GPHN: variants seen among roughly 807,000 people sequenced by gnomAD.
GPHN encodes gephyrin.
GPHN carries 17 observed loss-of-function variants against 95.5 expected under a neutral mutation model. That is an observed-to-expected ratio of 0.18 (90% CI 0.12 to 0.27). The LOEUF is 0.27. GPHN is among the 10% of genes least tolerant of loss of function. GPHN has a pLI of 1.00. For synonymous variants in GPHN, 320 were observed against 322.5 expected (o/e 0.99, Z 0.08); for missense variants, 660 against 978.1 (o/e 0.67, Z 4.34).
At chr14:66,854,934 G>GC (rs2062737089) in intron 4 of GPHN, among the ~76,000 whole-genome samples, 1 of 148,948 alleles carries the variant, frequency 6.7e-6, no homozygotes, top group Non-Finnish European at 1.5e-5. Context: ...TGCAACTTCT[G>GC]CCCCCCGGAT....
chr14:67,600,975 C>G, the GPHN span, among the ~76,000 whole-genome samples: 3 of 152,246 alleles, frequency 2.0e-5, no homozygotes, highest in African/African-American at 7.2e-5. Flanking sequence ...ATTTCACTTA[C>G]TCTTTTCCTG....
intron 2 of GPHN, chr14:66,709,340 T>C: frequency 2.2e-6 from 1 of 456,010 alleles, no homozygotes; most frequent in South Asian, 1.5e-5. Context: ...TGTACTGTAG[T>C]CCCCTTTTAT....
Position 66,852,041 on chromosome 14 carries a change from G to A in GPHN, c.294+27475G>A, listed in dbSNP as rs899659386. On this transcript the variant is annotated intron_variant, in intron 4 of 22. Transcript: ENST00000478722. ...TTTTCTGAGCCAACCTTCAAAGCCCGTGTGTATTACTAAAATGCAAAATGT... is the reference window on the plus strand; with the variant it reads ...TTTTCTGAGCCAACCTTCAAAGCCCATGTGTATTACTAAAATGCAAAATGT... 4.6e-5 allele frequency among the ~76,000 whole-genome samples: 7 copies of A among 152,100 alleles called. No individual in the cohort carries two copies. The East Asian group carries it at 1.2e-3, about 25-fold the overall frequency.
intron 1 of GPHN, among the ~76,000 whole-genome samples, chr14:66,563,539 G>A (rs1352442404): frequency 6.6e-6 from 1 of 152,084 alleles, no homozygotes; most frequent in East Asian, 1.9e-4. Context: ...GCTTAATTTA[G>A]GACCAATCCT....
chr14:67,008,694 G>GC (rs1186786979), intron 9 of GPHN, among the ~76,000 whole-genome samples: 1 of 151,744 alleles, frequency 6.6e-6, no homozygotes, highest in Non-Finnish European at 1.5e-5. Context: ...ACAAGTGCAT[G>GC]CCCCCATGCC....
At chr14:66,962,469 C>A in intron 8 of GPHN, among the ~76,000 whole-genome samples, 1 of 151,636 alleles carries the variant, frequency 6.6e-6, no homozygotes, top group East Asian at 1.9e-4. Flanking sequence ...CATTTTCATT[C>A]ATCAATGCAT....
chr14:66,891,770 T>A (rs955948808), intron 5 of GPHN, among the ~76,000 whole-genome samples: 1 of 151,478 alleles, frequency 6.6e-6, no homozygotes, highest in African/African-American at 2.4e-5. Flanking sequence ...ATATTTTTTT[T>A]AATTCCTACA....
At chr14:66,956,045 T>A (rs527732558) in intron 8 of GPHN, among the ~76,000 whole-genome samples, 1 of 152,324 alleles carries the variant, frequency 6.6e-6, no homozygotes, top group Non-Finnish European at 1.5e-5. Context: ...CAACTTTGAT[T>A]TTGTTGATTC....
At chr14:66,911,690 C>A (rs1471858192) in intron 5 of GPHN, among the ~76,000 whole-genome samples, 1 of 149,862 alleles carries the variant, frequency 6.7e-6, no homozygotes, top group Non-Finnish European at 1.5e-5. Flanking sequence ...TTTTCATATT[C>A]TTCTATTCTC....
intron 3 of GPHN, among the ~76,000 whole-genome samples, chr14:66,785,706 CAAACCAAAAAA>C (rs1475577594): frequency 3.7e-5 from 4 of 107,106 alleles, no homozygotes; most frequent in Non-Finnish European, 3.9e-5. Flanking sequence ...ATAATGGAAC[CAAACCAAAAAA>C]AAACCAAAAA....
chr14:66,564,111 G>A (rs1000127163), intron 1 of GPHN, among the ~76,000 whole-genome samples: 3 of 152,040 alleles, frequency 2.0e-5, no homozygotes, highest in African/African-American at 7.2e-5. Flanking sequence ...CTATGTAAAT[G>A]TGATTCCTTA....
chr14:66,923,010 A>G (rs1596382058), intron 7 of GPHN, 72 bp downstream of exon 7: 3 of 1,278,082 alleles, frequency 2.3e-6, no homozygotes, highest in East Asian at 2.3e-5. Context: ...TCTGTTTTGC[A>G]TCGCATCCCT....
intron 2 of GPHN, among the ~76,000 whole-genome samples, chr14:66,754,893 A>G (rs770916367): frequency 1.3e-5 from 2 of 152,028 alleles, no homozygotes; most frequent in Non-Finnish European, 2.9e-5. Context: ...CTGCACTGTT[A>G]TGGAAACCTG....
At chr14:67,654,457 A>C in the GPHN span, among the ~76,000 whole-genome samples, 6 of 152,050 alleles carry the variant, frequency 3.9e-5, no homozygotes, top group Non-Finnish European at 8.8e-5. Flanking sequence ...AAATTCAACC[A>C]ATCTACCTGG....
At chr14:66,873,747 C>T (rs982571459) in intron 4 of GPHN, among the ~76,000 whole-genome samples, 1 of 152,184 alleles carries the variant, frequency 6.6e-6, no homozygotes, top group Non-Finnish European at 1.5e-5. Context: ...CTCTGAAAGA[C>T]AGGAGCCCCA....
At chr14:67,206,725 TTTATTA>T in the GPHN span, among the ~76,000 whole-genome samples, 1 of 151,296 alleles carries the variant, frequency 6.6e-6, no homozygotes, top group Non-Finnish European at 1.5e-5. Flanking sequence ...CAAGCAATAA[TTTATTA>T]TTATTATTAT....
chr14:67,499,190 T>G, the GPHN span, among the ~76,000 whole-genome samples: 12 of 151,518 alleles, frequency 7.9e-5, no homozygotes, highest in African/African-American at 2.9e-4. Context: ...TTTTTGTAGA[T>G]ATGGGGTCCT....
chr14:66,686,964 C>A (rs1298764990), intron 2 of GPHN, among the ~76,000 whole-genome samples: 1 of 152,060 alleles, frequency 6.6e-6, no homozygotes, highest in Non-Finnish European at 1.5e-5. Context: ...GCATGAGGGG[C>A]AGTTGAATTT....
rs201942458 is a variant in GPHN, at chr14:66,798,789, A to AT, written c.201+22277dup. On this transcript the variant is annotated intron_variant, in intron 3 of 22. Transcript: ENST00000478722. ...TAAATGTTTGTTTCATTGATCTTTGATTTTTTTTTCTTCATTCCAATTTGA... is the reference window on the plus strand; with the variant it reads ...TAAATGTTTGTTTCATTGATCTTTGATTTTTTTTTTCTTCATTCCAATTTGA... Among the ~76,000 whole-genome samples the AT allele has an allele frequency of 5.1e-3, 755 of 147,952 alleles. 6 individuals carry two copies. Among genetic ancestry groups the AT allele is most frequent in the Middle Eastern group, 0.017 (5 of 288 alleles).
Sources: allele counts gnomAD v4.1 joint callset (sites outside exome capture counted in the v4.1 genomes callset), GRCh38; gene constraint gnomAD v4.1.1; transcripts MANE v1.5; gene names NCBI Gene and HGNC (gene_info 2026-07-23, HGNC 2026-07-21).